Variants in RBBP4 observed in about 807,000 individuals in gnomAD.
The protein encoded by RBBP4 is histone-binding protein RBBP4.
A neutral mutation model predicts 57.2 loss-of-function variants in RBBP4; 3 were observed. The ratio of observed to expected loss-of-function variants is 0.05; its 90% CI spans 0.02 to 0.14. The LOEUF is 0.14. Ranked by LOEUF, RBBP4 falls within the 10% of genes least tolerant of loss-of-function variation. The pLI, the probability that RBBP4 is intolerant of heterozygous loss-of-function variation, is 1.00. For synonymous variants in RBBP4, 151 were observed against 171.5 expected, an observed-to-expected ratio of 0.88 and a Z score of 0.93; for missense variants, 107 against 520.6, an observed-to-expected ratio of 0.21 and a Z score of 7.73.
At chr1:32,667,995 TAAAG>T (rs1648727483) in intron 3 of RBBP4, among the ~76,000 whole-genome samples, 1 of 152,160 alleles carries the variant, frequency 6.6e-6, no homozygotes, top group Non-Finnish European at 1.5e-5. Context: ...AATTCATGGA[TAAAG>T]AACCCACTGA....
chr1:32,684,581 T>C lies in RBBP4; in HGVS notation c.*4876T>C. ...AAAGTGACAATGCTTTTGAAAATGATGACGAAAAAGGCATCTTGTCTGTTA... is the reference window on the plus strand; with the variant it reads ...AAAGTGACAATGCTTTTGAAAATGACGACGAAAAAGGCATCTTGTCTGTTA... On this transcript the variant is annotated 3_prime_UTR_variant, in exon 12 of 12. Transcript: ENST00000373493. The C allele has an allele frequency of 5.4e-6, 4 of 746,480 alleles. No individual in the cohort carries two copies. Among genetic ancestry groups the C allele is most frequent in the East Asian group, 6.1e-5 (2 of 32,978 alleles). 46.2% of individuals were successfully genotyped at this position (746,480 alleles called of 1,614,324 possible).
rs1648201228 is a variant in RBBP4 at position 32,657,647 on chromosome 1, C to CT, written c.310+76dup. 6 of 1,473,636 alleles carry CT rather than the reference C, an allele frequency of 4.1e-6. 1 individual carries two copies. The Admixed American group carries it at 1.1e-4, about 26-fold the overall frequency. 91.3% of individuals were successfully genotyped at this position (1,473,636 alleles called of 1,614,324 possible). On this transcript the variant is annotated intron_variant, in intron 3 of 11. Coordinates refer to ENST00000373493, the MANE Select transcript of RBBP4 (RefSeq NM_005610.3). Reference sequence around the variant, plus strand: ...TATGTGCACTTTGATAAAGTAAACTCTGACTTTAGAAACAATATTTAAGGT... The same window carrying CT: ...TATGTGCACTTTGATAAAGTAAACTCTTGACTTTAGAAACAATATTTAAGGT...
chr1:32,680,810 A>C lies in RBBP4; in HGVS notation c.*1105A>C, dbSNP rs1431751610. On this transcript the variant is annotated 3_prime_UTR_variant, in exon 12 of 12. Coordinates refer to ENST00000373493, the MANE Select transcript of RBBP4 (RefSeq NM_005610.3). ...TCCCAGAGCTGTAGAAAAGAACTTT[A>C]CTCCTTCCCAGGGAAAGTGAAAGAC... The C allele has an allele frequency of 7.3e-6, 3 of 409,160 alleles. No homozygotes were observed. Among genetic ancestry groups the C allele is most frequent in the African/African-American group, 6.2e-5 (3 of 48,442 alleles). 25.3% of individuals were successfully genotyped at this position (409,160 alleles called of 1,614,324 possible). A position where few individuals can be genotyped will look rare whatever the true frequency, so the allele number is the denominator to read the frequency against.
intron 1 of RBBP4, chr1:32,651,643 C>G: frequency 1.3e-6 from 1 of 754,086 alleles, no homozygotes. Context: ...CTCGGGCCTC[C>G]TCGTCGGGCT....
At chr1:32,656,614 A>T (rs1648152371) in intron 2 of RBBP4, among the ~76,000 whole-genome samples, 1 of 152,252 alleles carries the variant, frequency 6.6e-6, no homozygotes, top group South Asian at 2.1e-4. Flanking sequence ...GGCCTCCCAA[A>T]GTGCTGGGAT....
chr1:32,669,191 C>A lies in RBBP4; in HGVS notation c.762-40C>A, dbSNP rs777470641. ...TTGTCTAAGTTTTATGTTTAGTCAC[C>A]ATTTCAAGGTTTTTTTCCTTTGTTT... On this transcript the variant is annotated intron_variant, in intron 6 of 11. Transcript: ENST00000373493. The surrounding 1 kb of genome is among the most constrained non-coding windows in gnomAD (Gnocchi z 4.9). 8 of 1,610,210 alleles carry A rather than the reference C, an allele frequency of 5.0e-6. No individual in the cohort carries two copies. The highest frequency in any genetic ancestry group is 6.8e-6 in the Non-Finnish European group (8 of 1,178,866).
intron 1 of RBBP4, 159 bp downstream of exon 1, chr1:32,651,481 C>G (rs966761003): frequency 1.5e-6 from 2 of 1,364,732 alleles, no homozygotes; most frequent in Non-Finnish European, 1.9e-6. Context: ...GCTAACGGCT[C>G]GCCAGTTCCC....
At chr1:32,673,642 T>G (rs1648970533) in intron 11 of RBBP4, 1 of 250,830 alleles carries the variant, frequency 4.0e-6, no homozygotes, top group Admixed American at 5.5e-5. Flanking sequence ...TTCACTATGT[T>G]GGCCAGGCTG....
Position 32,679,637 on chromosome 1 carries a change from C to A in RBBP4, c.1213-3C>A. The A allele has an allele frequency of 6.4e-7, 1 of 1,564,792 alleles. No homozygotes were observed. Among genetic ancestry groups the A allele is most frequent in the South Asian group, 1.2e-5 (1 of 83,106 alleles). ...TTAAATTCTTTTTCTTGTTTTTGGG[C>A]AGGCAGAGAACATTTATAATGATGA... On this transcript the variant is annotated splice_region_variant and splice_polypyrimidine_tract_variant and intron_variant, in intron 11 of 11. Transcript: ENST00000373493.
chr1:32,678,418 C>T (rs538886716), intron 11 of RBBP4, among the ~76,000 whole-genome samples: 1 of 151,802 alleles, frequency 6.6e-6, no homozygotes, highest in African/African-American at 2.4e-5. Flanking sequence ...GTAGAGACAG[C>T]GTTTCACCAT....
In RBBP4 at chr1:32,651,822, G is replaced by A; in HGVS notation, c.17-92G>A. ...TTTAGACAAATCACCTCCATTTCAT[G>A]GTTAGGCTGTAGGAGTCATGCAGGT... On this transcript the variant is annotated intron_variant, in intron 1 of 11. Coordinates refer to ENST00000373493, the MANE Select transcript of RBBP4 (RefSeq NM_005610.3). 3 of 1,373,874 alleles carry A rather than the reference G, an allele frequency of 2.2e-6. No homozygotes were observed. In the South Asian group the frequency reaches 4.0e-5, roughly 18 times the overall value. The allele number at this position is 1,373,874 out of a possible 1,614,324, so 85.1% of individuals were successfully genotyped here. A position where few individuals can be genotyped will look rare whatever the true frequency, so the allele number is the denominator to read the frequency against.
At chr1:32,670,477 A>G (rs2148527524) in intron 8 of RBBP4, among the ~76,000 whole-genome samples, 1 of 152,288 alleles carries the variant, frequency 6.6e-6, no homozygotes, top group East Asian at 1.9e-4. Context: ...AAAAGAAATA[A>G]TCACTGCACT....
rs1362156926 is a variant in RBBP4 at position 32,684,183 on chromosome 1, T to TA, written c.*4482dup. ...CCTCTTTTTGTTTTTGATTCTAAGG[T>TA]AAAATTTTCCCTAAGCCCTCCCACC... On this transcript the variant is annotated 3_prime_UTR_variant, in exon 12 of 12. Transcript: ENST00000373493. 7 of 1,605,678 alleles carry TA rather than the reference T, an allele frequency of 4.4e-6. No homozygotes were observed. The East Asian group carries it at 1.6e-4, about 36-fold the overall frequency.
At chr1:32,673,187 A>G (rs1017564517) in intron 11 of RBBP4, among the ~76,000 whole-genome samples, 3 of 152,006 alleles carry the variant, frequency 2.0e-5, no homozygotes, top group African/African-American at 7.3e-5. Context: ...ACATTTTCCT[A>G]GCTAACCAGA....
chr1:32,677,384 C>T (rs2148533038), intron 11 of RBBP4, among the ~76,000 whole-genome samples: 1 of 151,944 alleles, frequency 6.6e-6, no homozygotes, highest in South Asian at 2.1e-4. Context: ...GGTAGCATGC[C>T]CAGAGACTTG....
rs1649749780 is a variant in RBBP4, at chr1:32,685,304, G to A, written c.*5599G>A. Reference sequence around the variant, plus strand: ...GCATTCTGTAAATTTTCCCTGCCTAGGATGTATACCTGAGGAATAAGGTAA... The same window carrying A: ...GCATTCTGTAAATTTTCCCTGCCTAAGATGTATACCTGAGGAATAAGGTAA... On this transcript the variant is annotated 3_prime_UTR_variant, in exon 12 of 12. Coordinates refer to ENST00000373493, the MANE Select transcript of RBBP4 (RefSeq NM_005610.3). The A allele has an allele frequency of 6.6e-6, 1 of 152,164 alleles. No individual in the cohort carries two copies. The highest frequency in any genetic ancestry group is 2.1e-4 in the South Asian group (1 of 4,822). 9.4% of individuals were successfully genotyped at this position (152,164 alleles called of 1,614,324 possible). A position where few individuals can be genotyped will look rare whatever the true frequency, so the allele number is the denominator to read the frequency against.
intron 3 of RBBP4, among the ~76,000 whole-genome samples, chr1:32,659,388 C>T (rs1648302904): frequency 6.6e-6 from 1 of 151,828 alleles, no homozygotes; most frequent in South Asian, 2.1e-4. Flanking sequence ...TAGTGAAACC[C>T]TGTCTCTACT....
chr1:32,663,976 G>C (rs1023129793), intron 3 of RBBP4, among the ~76,000 whole-genome samples: 30 of 149,258 alleles, frequency 2.0e-4, no homozygotes, highest in African/African-American at 7.2e-4. Context: ...GCCCAGGCTG[G>C]TATGCAGTGG....
At chr1:32,668,145 C>T (rs558673557) in intron 3 of RBBP4, 80 bp from the exon 4 acceptor site, 7 of 1,324,656 alleles carry the variant, frequency 5.3e-6, no homozygotes, top group East Asian at 2.4e-5. Context: ...GAAAAAAAAT[C>T]CTTTCCTGTG....
Sources: gnomAD v4.1 joint callset for allele counts (sites outside exome capture counted in the v4.1 genomes callset) on GRCh38, gnomAD v4.1.1 for gene constraint, Gnocchi (gnomAD v3.1) non-coding constraint, MANE v1.5 for transcripts, NCBI Gene and HGNC (gene_info 2026-07-23, HGNC 2026-07-21) for gene names.